The following CLSTN1 variants were observed in gnomAD, a reference collection of about 807,000 sequenced individuals.
CLSTN1 encodes the protein calsyntenin-1.
CLSTN1 carries 28 observed loss-of-function variants against 108.3 expected under a neutral mutation model. That is an observed-to-expected ratio of 0.26 (90% CI 0.19 to 0.35). The LOEUF (loss-of-function observed/expected upper bound fraction) is 0.35, where lower values mean the gene tolerates loss of function less well. Among genes scored for constraint, CLSTN1 ranks in the 10% least tolerant of loss-of-function variants. CLSTN1 has a pLI of 1.00. For synonymous variants in CLSTN1, 524 were observed against 534.9 expected, an observed-to-expected ratio of 0.98 and a Z score of 0.28; for missense variants, 1,157 against 1,302.6, an observed-to-expected ratio of 0.89 and a Z score of 1.72.
At chr1:9,806,274 C>T (rs536406769) in intron 1 of CLSTN1, among the ~76,000 whole-genome samples, 74 of 152,232 alleles carry the variant, frequency 4.9e-4, no homozygotes, top group African/African-American at 1.7e-3. Context: ...CACTTCACTC[C>T]AGCCTGATAA....
At chr1:9,735,787 G>T in intron 12 of CLSTN1, 98 bp downstream of exon 12, 2 of 1,515,108 alleles carry the variant, frequency 1.3e-6, no homozygotes, top group Non-Finnish European at 1.8e-6. Context: ...AACAGTAAAC[G>T]TATCAATCAC....
intron 2 of CLSTN1, among the ~76,000 whole-genome samples, chr1:9,762,984 CAG>C (rs1308751294): frequency 6.6e-6 from 1 of 151,684 alleles, no homozygotes; most frequent in African/African-American, 2.4e-5. Context: ...TTTTTGGAGA[CAG>C]AGTCTCGCTC....
intron 1 of CLSTN1, among the ~76,000 whole-genome samples, chr1:9,774,034 A>G (rs1652821200): frequency 1.3e-5 from 2 of 151,810 alleles, no homozygotes; most frequent in African/African-American, 4.8e-5. Context: ...GAGCCACGGC[A>G]CCTGGCCCCA....
At position 9,734,221 on chromosome 1, in the gene CLSTN1, G is replaced by T. The variant is rs540258308; in HGVS notation, c.2111-79C>A. 1.4e-6 allele frequency: 2 copies of T among 1,420,916 alleles called. No homozygotes were observed. Among genetic ancestry groups the T allele is most frequent in the African/African-American group, 1.4e-5 (1 of 70,858 alleles). The allele number at this position is 1,420,916 out of a possible 1,614,324, so 88.0% of individuals were successfully genotyped here. A position where few individuals can be genotyped will look rare whatever the true frequency, so the allele number is the denominator to read the frequency against. On this transcript the variant is annotated intron_variant, in intron 14 of 18. Coordinates refer to ENST00000377298, the MANE Select transcript of CLSTN1 (RefSeq NM_001009566.3). The surrounding 1 kb of genome is among the most constrained non-coding windows in gnomAD (Gnocchi z 4.8). ...GGCGGGGCACACTGGATGCCCTGCC[G>T]GCTCACCCCAAACCTACATGGCTCT...
intron 7 of CLSTN1, 113 bp from the exon 8 acceptor site, chr1:9,744,756 C>CTTT (rs796964858): frequency 4.8e-6 from 5 of 1,046,820 alleles, no homozygotes; most frequent in Non-Finnish European, 6.4e-6. Context: ...CTCCAGTTTA[C>CTTT]TTTTTTTTTT....
intron 1 of CLSTN1, among the ~76,000 whole-genome samples, chr1:9,819,165 C>T (rs1655100476): frequency 6.6e-6 from 1 of 152,090 alleles, no homozygotes. Context: ...AGCCCTCAAC[C>T]AGAATACATA....
At position 9,823,795 on chromosome 1, in the gene CLSTN1, T is replaced by TCCG; in HGVS notation, c.-63_-62insCGG. 1.2e-6 allele frequency: 1 copy of TCCG among 867,940 alleles called. No individual in the cohort carries two copies. Among genetic ancestry groups the TCCG allele is most frequent in the Non-Finnish European group, 1.4e-6 (1 of 716,108 alleles). 53.8% of individuals were successfully genotyped at this position (867,940 alleles called of 1,614,324 possible). A position where few individuals can be genotyped will look rare whatever the true frequency, so the allele number is the denominator to read the frequency against. ...GGACGCCGAGCGGAGCTCTCGGAGC[T>TCCG]CTCGGGGCTCTAGGGGCCTGGGGCT... On this transcript the variant is annotated 5_prime_UTR_variant, in exon 1 of 19. Coordinates refer to ENST00000377298, the MANE Select transcript of CLSTN1 (RefSeq NM_001009566.3). The surrounding 1 kb of genome is among the most constrained non-coding windows in gnomAD (Gnocchi z 6.3).
At chr1:9,811,829 A>C (rs1654772328) in intron 1 of CLSTN1, among the ~76,000 whole-genome samples, 1 of 152,050 alleles carries the variant, frequency 6.6e-6, no homozygotes, top group Non-Finnish European at 1.5e-5. Flanking sequence ...AGCATCAATT[A>C]GTCAAATCAT....
chr1:9,755,798 CA>C (rs34292718), intron 3 of CLSTN1, among the ~76,000 whole-genome samples: 1 of 149,542 alleles, frequency 6.7e-6, no homozygotes. Flanking sequence ...GAAATTCTGT[CA>C]AAAAAAAAAA....
chr1:9,740,611 C>T (rs559952404), intron 10 of CLSTN1, among the ~76,000 whole-genome samples: 4 of 152,304 alleles, frequency 2.6e-5, no homozygotes, highest in Middle Eastern at 6.8e-3. Flanking sequence ...ATCCTCCCCA[C>T]ACGTGGCCCT....
At chr1:9,739,246 G>A (rs1379955899) in intron 10 of CLSTN1, among the ~76,000 whole-genome samples, 1 of 152,174 alleles carries the variant, frequency 6.6e-6, no homozygotes, top group Non-Finnish European at 1.5e-5. Context: ...CCAATAGAAT[G>A]CACTGATATT....
Position 9,823,907 on chromosome 1 carries a change from G to A in CLSTN1, c.-174C>T, listed in dbSNP as rs1452294985. 3.4e-5 allele frequency: 6 copies of A among 174,068 alleles called. No individual in the cohort carries two copies. In the East Asian group the frequency reaches 1.1e-3, roughly 30 times the overall value. The allele number at this position is 174,068 out of a possible 1,614,324, so 10.8% of individuals were successfully genotyped here. On this transcript the variant is annotated 5_prime_UTR_variant, in exon 1 of 19. Transcript: ENST00000377298. This position sits in a 1 kb window ranked among gnomAD's most constrained non-coding sequence, Gnocchi z 6.3. ...TGACGCTGGGCCGCGCGCTCAGGAC[G>A]CGGCGCCCTCCCCGCCTCAGAGCAG...
At chr1:9,748,633 G>A (rs1050638317) in intron 7 of CLSTN1, among the ~76,000 whole-genome samples, 4 of 151,968 alleles carry the variant, frequency 2.6e-5, no homozygotes, top group South Asian at 2.1e-4. Flanking sequence ...GACTACAGGC[G>A]TGCACCGCCA....
chr1:9,748,523 T>C (rs1319628009), intron 7 of CLSTN1, among the ~76,000 whole-genome samples: 1 of 152,274 alleles, frequency 6.6e-6, no homozygotes, highest in African/African-American at 2.4e-5. Context: ...GTTCTCACTC[T>C]GTCATCCAGG....
At chr1:9,805,554 C>T (rs1427889992) in intron 1 of CLSTN1, among the ~76,000 whole-genome samples, 1 of 152,116 alleles carries the variant, frequency 6.6e-6, no homozygotes, top group Non-Finnish European at 1.5e-5. Context: ...TTTTGGAAAA[C>T]AGTTAATTTT....
intron 7 of CLSTN1, among the ~76,000 whole-genome samples, chr1:9,745,153 C>T (rs1410938200): frequency 2.0e-5 from 3 of 150,470 alleles, no homozygotes. Flanking sequence ...GGCGTGAACC[C>T]GGGAAGCGGA....
chr1:9,822,052 G>T (rs1162516518), intron 1 of CLSTN1, among the ~76,000 whole-genome samples: 1 of 152,178 alleles, frequency 6.6e-6, no homozygotes, highest in East Asian at 1.9e-4. Context: ...ATTTTAACAA[G>T]AAATGGTATC....
chr1:9,822,562 C>G (rs1019226897), intron 1 of CLSTN1, among the ~76,000 whole-genome samples: 1 of 152,036 alleles, frequency 6.6e-6, no homozygotes, highest in Non-Finnish European at 1.5e-5. Context: ...ATCAGAACAA[C>G]AGATTTAAGC....
At chr1:9,787,669 T>A (rs148529554) in intron 1 of CLSTN1, among the ~76,000 whole-genome samples, 111 of 151,566 alleles carry the variant, frequency 7.3e-4, no homozygotes, top group African/African-American at 2.6e-3. Context: ...CCCAAAGTGC[T>A]GGGATTACAG....
Sources: gnomAD v4.1 joint callset for allele counts (sites outside exome capture counted in the v4.1 genomes callset) on GRCh38, gnomAD v4.1.1 for gene constraint, Gnocchi (gnomAD v3.1) non-coding constraint, MANE v1.5 for transcripts, NCBI Gene and HGNC (gene_info 2026-07-23, HGNC 2026-07-21) for gene names.